The following CYP1A2 variants were observed in gnomAD, a reference collection of about 807,000 sequenced individuals.
The protein encoded by CYP1A2 is cytochrome P450 1A2.
In CYP1A2, 35 loss-of-function variants were observed where a neutral mutation model predicts 34.7. The observed-to-expected ratio is 1.01, with a 90% CI of 0.77 to 1.34. The LOEUF (loss-of-function observed/expected upper bound fraction) is 1.34, where lower values mean the gene tolerates loss of function less well. Ranked by LOEUF, CYP1A2 falls within the 40% of genes most tolerant of loss-of-function variation. CYP1A2 has a pLI of 0.00. For missense variants in CYP1A2, 675 were observed against 675.8 expected, an observed-to-expected ratio of 1.00 and a Z score of 0.01; for synonymous variants, 288 against 281.9, an observed-to-expected ratio of 1.02 and a Z score of -0.22.
intron 1 of CYP1A2, 39 bp downstream of exon 1, chr15:74,748,936 C>T (rs1240725200): frequency 6.6e-6 from 1 of 152,290 alleles, no homozygotes; most frequent in African/African-American, 2.4e-5. Context: ...TCTGGGATCC[C>T]CAACTATAGA....
In CYP1A2 at chr15:74,755,315, G is replaced by A. The variant is rs1362414180; in HGVS notation, c.*227G>A. ...CCCTGTCTCTACAAAAAAAAAATTT[G>A]CCAAGAGCCTGAGTGACAGAGCAAG... On this transcript the variant is annotated 3_prime_UTR_variant, in exon 7 of 7. Coordinates refer to ENST00000343932, the MANE Select transcript of CYP1A2 (RefSeq NM_000761.5). 25 of 426,230 alleles carry A rather than the reference G, an allele frequency of 5.9e-5. No homozygotes were observed. Among genetic ancestry groups the A allele is most frequent in the African/African-American group, 4.8e-4 (23 of 47,862 alleles). 26.4% of individuals were successfully genotyped at this position (426,230 alleles called of 1,614,324 possible). A position where few individuals can be genotyped will look rare whatever the true frequency, so the allele number is the denominator to read the frequency against.
At chr15:74,754,344 C>T (rs1282229806) in intron 6 of CYP1A2, among the ~76,000 whole-genome samples, 1 of 151,020 alleles carries the variant, frequency 6.6e-6, no homozygotes, top group Admixed American at 6.6e-5. Context: ...GTGACTCATG[C>T]CTGTAACCCC....
rs775657528 is a variant in CYP1A2 at position 74,754,764 on chromosome 15, G to T, written c.1254-27G>T. The T allele has an allele frequency of 1.3e-5, 21 of 1,596,174 alleles. No homozygotes were observed. The East Asian group carries it at 4.7e-4, about 36-fold the overall frequency. On this transcript the variant is annotated intron_variant, in intron 6 of 6. Coordinates refer to ENST00000343932, the MANE Select transcript of CYP1A2 (RefSeq NM_000761.5). ...CTCCCAGGGCCTCTCCAGCCCTGAG[G>T]TCCCATCTCCTCTGTTCCTCTTGCA...
chr15:74,749,178 A>T (rs2063302442), intron 1 of CYP1A2, among the ~76,000 whole-genome samples: 1 of 152,124 alleles, frequency 6.6e-6, no homozygotes, highest in Admixed American at 6.5e-5. Context: ...GAGGATGGGG[A>T]CTCATCCCTG....
chr15:74,755,377 A>T lies in CYP1A2; in HGVS notation c.*289A>T, dbSNP rs1243794465. 1 of 279,724 alleles carries T rather than the reference A, an allele frequency of 3.6e-6. No homozygotes were observed. The highest frequency in any genetic ancestry group is 8.4e-5 in the East Asian group (1 of 11,922). 17.3% of individuals were successfully genotyped at this position (279,724 alleles called of 1,614,324 possible). A position where few individuals can be genotyped will look rare whatever the true frequency, so the allele number is the denominator to read the frequency against. ...AAAAAAAAAACAAACAAACAAAAAA[A>T]AAACCATATATATACATATATATAT... On this transcript the variant is annotated 3_prime_UTR_variant, in exon 7 of 7. Transcript: ENST00000343932.
rs1241559514 is a variant in CYP1A2, at chr15:74,756,130, T to G, written c.*1042T>G. 6.7e-6 allele frequency: 1 copy of G among 149,790 alleles called. No individual in the cohort carries two copies. Among genetic ancestry groups the G allele is most frequent in the Non-Finnish European group, 1.5e-5 (1 of 67,466 alleles). The allele number at this position is 149,790 out of a possible 1,614,324, so 9.3% of individuals were successfully genotyped here. A position where few individuals can be genotyped will look rare whatever the true frequency, so the allele number is the denominator to read the frequency against. ...CGCGCCCAGCCTTTTTGTTTTTTTT[T>G]TTTTTGAGACAGAGTCTTCCTCTGT... On this transcript the variant is annotated 3_prime_UTR_variant, in exon 7 of 7. Transcript: ENST00000343932.
At chr15:74,753,468 A>G (rs1384122813) in intron 6 of CYP1A2, among the ~76,000 whole-genome samples, 198 bp downstream of exon 6, 1 of 152,144 alleles carries the variant, frequency 6.6e-6, no homozygotes, top group South Asian at 2.1e-4. Flanking sequence ...CAGTGGCTCA[A>G]GCCTATAATC....
rs34002060 is a variant in CYP1A2 at position 74,756,121 on chromosome 15, GT to G, written c.*1047del. The G allele has an allele frequency of 0.42, 54,623 of 129,152 alleles. 13,305 individuals carry two copies. Among genetic ancestry groups the G allele is most frequent in the Non-Finnish European group, 0.6 (37,005 of 61,428 alleles). 8.0% of individuals were successfully genotyped at this position (129,152 alleles called of 1,614,324 possible). On this transcript the variant is annotated 3_prime_UTR_variant, in exon 7 of 7. Coordinates refer to ENST00000343932, the MANE Select transcript of CYP1A2 (RefSeq NM_000761.5). ...ATGAACCACCGCGCCCAGCCTTTTT[GT>G]TTTTTTTTTTTTTGAGACAGAGTCT...
At chr15:74,749,643 A>C in intron 1 of CYP1A2, 87 bp from the exon 2 acceptor site, 2 of 1,129,548 alleles carry the variant, frequency 1.8e-6, no homozygotes, top group Non-Finnish European at 2.5e-6. Flanking sequence ...CAGAACACGC[A>C]TCAGTGTTTA....
At position 74,751,297 on chromosome 15, in the gene CYP1A2, A is replaced by G. The variant is rs28399418; in HGVS notation, c.940A>G (p.Ile314Val). The G allele has an allele frequency of 3.7e-4, 601 of 1,613,994 alleles. 4 individuals carry two copies. The highest frequency in any genetic ancestry group is 7.2e-5 in the Non-Finnish European group (85 of 1,180,002). ...GAAGATTGTCAACCTTGTCAATGAC[A>G]TCTTTGGAGCAGGTAGGAACCAGAA... is the stretch of plus-strand genomic sequence containing the variant. ...QEKIVNLVND[I>V]FGAGFDTVTT... is the part of the protein sequence containing the mutation. Residue 314 changes from isoleucine to valine, a missense_variant, in exon 3 of 7, where the codon ATC (isoleucine) becomes GTC (valine). Ile to Val is a conservative substitution (Grantham distance 29, BLOSUM62 3). Transcript: ENST00000343932.
chr15:74,754,930 A>C lies in CYP1A2; in HGVS notation c.1393A>C (p.Lys465Gln). ...KRRCIGEVLA[K>Q]WEIFLFLAIL... is the part of the protein sequence containing the mutation. ...CCGGTGTATCGGGGAAGTCCTGGCC[A>C]AGTGGGAGATCTTCCTCTTCCTGGC... The change falls in exon 7 of 7, where the codon AAG (lysine) becomes CAG (glutamine). Residue 465 changes from lysine (K) to glutamine (Q), a missense_variant. Transcript: ENST00000343932. The C allele has an allele frequency of 6.2e-7, 1 of 1,614,258 alleles. No homozygotes were observed. The highest frequency in any genetic ancestry group is 8.5e-7 in the Non-Finnish European group (1 of 1,180,054).
chr15:74,750,455 C>T lies in CYP1A2; in HGVS notation c.717C>T (p.Phe239=), dbSNP rs572583823. The change falls in exon 2 of 7, where the codon TTC becomes TTT. Residue 239 remains phenylalanine, a synonymous_variant. Coordinates refer to ENST00000343932, the MANE Select transcript of CYP1A2 (RefSeq NM_000761.5). ...CCTCCGGGAACCCCCTGGACTTCTT[C>T]CCCATCCTTCGCTACCTGCCTAACC... ...TASSGNPLDF[F]PILRYLPNPA... 3 of 1,614,172 alleles carry T rather than the reference C, an allele frequency of 1.9e-6. No individual in the cohort carries two copies. In the South Asian group the frequency reaches 3.3e-5, roughly 18 times the overall value.
intron 3 of CYP1A2, 115 bp from the exon 4 acceptor site, chr15:74,751,639 TCAGGAAACTCA>T: frequency 1.0e-6 from 1 of 973,666 alleles, no homozygotes; most frequent in African/African-American, 1.6e-5. Flanking sequence ...GCCTCTGTCT[TCAGGAAACTCA>T]CAGGCTAGGG....
Position 74,752,235 on chromosome 15 carries a change from C to A in CYP1A2, c.1154C>A (p.Thr385Asn), listed in dbSNP as rs750455376. 85 of 1,613,850 alleles carry A rather than the reference C, an allele frequency of 5.3e-5. No individual in the cohort carries two copies. Among genetic ancestry groups the A allele is most frequent in the Non-Finnish European group, 6.7e-5 (79 of 1,179,948 alleles). Reference protein sequence around the residue: ...TFRHSSFLPFTIPHSTTRDTT... With the variant: ...TFRHSSFLPFNIPHSTTRDTT... ...CGACACTCCTCCTTCTTGCCCTTCA[C>A]CATCCCCCACAGGTGAGGCCTGCCG... Residue 385 changes from threonine (T) to asparagine (N), a missense_variant, in exon 5 of 7, where the codon ACC becomes AAC. Coordinates refer to ENST00000343932, the MANE Select transcript of CYP1A2 (RefSeq NM_000761.5).
rs1200247153 is a variant in CYP1A2, at chr15:74,751,458, T to TGGG, written c.952+150_952+152dup. ...CTGGCTTGGGATCAGGGTTTGAGCC[T>TGGG]GGGCTATGCCACCAATTCCCAGTGG... On this transcript the variant is annotated intron_variant, in intron 3 of 6. Transcript: ENST00000343932. 3 of 1,249,686 alleles carry TGGG rather than the reference T, an allele frequency of 2.4e-6. No individual in the cohort carries two copies. In the African/African-American group the frequency reaches 4.5e-5, roughly 19 times the overall value. 77.4% of individuals were successfully genotyped at this position (1,249,686 alleles called of 1,614,324 possible). A position where few individuals can be genotyped will look rare whatever the true frequency, so the allele number is the denominator to read the frequency against.
In CYP1A2 at chr15:74,749,872, C is replaced by T; in HGVS notation, c.134C>T (p.Pro45Leu). The change falls in exon 2 of 7, where the codon CCA (proline) becomes CTA (leucine). Residue 45 changes from proline to leucine, a missense_variant. Transcript: ENST00000343932. The stretch of plus-strand genomic sequence containing the variant: ...AAAGGCCTGAAAAGTCCACCAGAGC[C>T]ATGGGGCTGGCCCTTGCTCGGGCAT... ...VPKGLKSPPE[P>L]WGWPLLGHVL... is the part of the protein sequence containing the mutation. 1 of 1,608,340 alleles carries T rather than the reference C, an allele frequency of 6.2e-7. No individual in the cohort carries two copies. Among genetic ancestry groups the T allele is most frequent in the Non-Finnish European group, 8.5e-7 (1 of 1,175,614 alleles).
Position 74,755,158 on chromosome 15 carries a change from C to T in CYP1A2, c.*70C>T. On this transcript the variant is annotated 3_prime_UTR_variant, in exon 7 of 7. Transcript: ENST00000343932. ...CCACGGGGACTCAGCCCTTGTTTCT[C>T]TTCCTTTCTTTTTTTAAAAAATAGC... 6.6e-7 allele frequency: 1 copy of T among 1,513,478 alleles called. No individual in the cohort carries two copies. 93.8% of individuals were successfully genotyped at this position (1,513,478 alleles called of 1,614,324 possible). A position where few individuals can be genotyped will look rare whatever the true frequency, so the allele number is the denominator to read the frequency against.
chr15:74,753,164 G>A lies in CYP1A2; in HGVS notation c.1167-20G>A. The A allele has an allele frequency of 6.2e-7, 1 of 1,608,716 alleles. No individual in the cohort carries two copies. Among genetic ancestry groups the A allele is most frequent in the Non-Finnish European group, 8.5e-7 (1 of 1,175,736 alleles). ...CAGCTTTCCAGCCCTGAGCCTCACA[G>A]TGCCCTCTTCCCTCCTCAGCACAAC... On this transcript the variant is annotated intron_variant, in intron 5 of 6. Coordinates refer to ENST00000343932, the MANE Select transcript of CYP1A2 (RefSeq NM_000761.5).
At chr15:74,754,260 T>TA (rs543842924) in intron 6 of CYP1A2, among the ~76,000 whole-genome samples, 31 of 152,014 alleles carry the variant, frequency 2.0e-4, no homozygotes, top group African/African-American at 7.5e-4. Flanking sequence ...AAATTAATAT[T>TA]AAAAGGCACT....
Sources: allele counts gnomAD v4.1 joint callset (sites outside exome capture counted in the v4.1 genomes callset), GRCh38; gene constraint gnomAD v4.1.1; transcripts MANE v1.5; gene names NCBI Gene and HGNC (gene_info 2026-07-23, HGNC 2026-07-21).